Variants in EFCAB6 observed in about 807,000 individuals in gnomAD.
EFCAB6 encodes the protein EF-hand calcium binding domain 6, also known as EF-hand calcium-binding domain-containing protein 6.
In EFCAB6, 156 loss-of-function variants were observed where a neutral mutation model predicts 169.8. That is an observed-to-expected ratio of 0.92 (90% CI 0.81 to 1.05). The LOEUF (loss-of-function observed/expected upper bound fraction) is 1.05, where lower values mean the gene tolerates loss of function less well. Among genes scored for constraint, EFCAB6 ranks in the 50% least tolerant of loss-of-function variants. EFCAB6 has a pLI of 0.00. For missense variants in EFCAB6, 1,800 were observed against 1,829.1 expected (o/e 0.98, Z 0.29); for synonymous variants, 698 against 676.4 (o/e 1.03, Z -0.50).
At chr22:43,685,199 G>A (rs1419878496) in intron 11 of EFCAB6, among the ~76,000 whole-genome samples, 1 of 152,180 alleles carries the variant, frequency 6.6e-6, no homozygotes, top group Non-Finnish European at 1.5e-5. Flanking sequence ...GTACCAAGTT[G>A]CCGAGAGCAG....
At chr22:43,771,573 A>G (rs760400388) in intron 4 of EFCAB6, among the ~76,000 whole-genome samples, 18 of 152,118 alleles carry the variant, frequency 1.2e-4, no homozygotes, top group Non-Finnish European at 2.5e-4. Context: ...TTCTAGCCCA[A>G]ATTTTCTACT....
At chr22:43,630,616 G>A (rs2054871189) in intron 19 of EFCAB6, among the ~76,000 whole-genome samples, 1 of 152,240 alleles carries the variant, frequency 6.6e-6, no homozygotes, top group Non-Finnish European at 1.5e-5. Context: ...GGCCTCTACA[G>A]TTAGGGTGCC....
intron 27 of EFCAB6, among the ~76,000 whole-genome samples, chr22:43,548,383 T>C (rs570840371): frequency 2.4e-4 from 35 of 148,258 alleles, no homozygotes; most frequent in African/African-American, 7.2e-4. Context: ...TCTACTAAAA[T>C]ACAAAAATTA....
At chr22:43,720,294 G>T (rs557344011) in intron 8 of EFCAB6, among the ~76,000 whole-genome samples, 1 of 151,848 alleles carries the variant, frequency 6.6e-6, no homozygotes, top group African/African-American at 2.4e-5. Flanking sequence ...GAGGCAGGAA[G>T]CCAGGAGTTC....
At chr22:43,752,341 C>T (rs1443872453) in intron 6 of EFCAB6, among the ~76,000 whole-genome samples, 1 of 152,174 alleles carries the variant, frequency 6.6e-6, no homozygotes, top group African/African-American at 2.4e-5. Context: ...TGGTCTTAAA[C>T]TCCTGACCTC....
chr22:43,616,884 G>A lies in EFCAB6; in HGVS notation c.2466-962C>T, dbSNP rs139921446. Among the ~76,000 whole-genome samples, 594 of 152,252 alleles carry A rather than the reference G, an allele frequency of 3.9e-3. 7 individuals are homozygous for A. Among genetic ancestry groups the A allele is most frequent in the African/African-American group, 0.014 (571 of 41,530 alleles). ...ATGTGCACACCCACATTGGCACCTG[G>A]CCAGTGTAAACTGCAGTCACTGTGA... On this transcript the variant is annotated intron_variant, in intron 20 of 31. Coordinates refer to ENST00000262726, the MANE Select transcript of EFCAB6 (RefSeq NM_022785.4).
At chr22:43,680,873 G>A (rs1490185825) in intron 12 of EFCAB6, among the ~76,000 whole-genome samples, 1 of 152,168 alleles carries the variant, frequency 6.6e-6, no homozygotes, top group Admixed American at 6.5e-5. Flanking sequence ...AAATTCCTTA[G>A]AATTTTCTAC....
chr22:43,625,358 T>C (rs1345579200), intron 20 of EFCAB6, among the ~76,000 whole-genome samples: 1 of 152,184 alleles, frequency 6.6e-6, no homozygotes, highest in East Asian at 1.9e-4. Flanking sequence ...AAGACACACC[T>C]CAGTACTAGC....
chr22:43,614,932 C>T (rs1489990166), intron 21 of EFCAB6, among the ~76,000 whole-genome samples: 1 of 151,712 alleles, frequency 6.6e-6, no homozygotes, highest in Non-Finnish European at 1.5e-5. Flanking sequence ...TCTATGGAGT[C>T]CACAGCACAG....
At chr22:43,670,346 A>G (rs2057433792) in intron 15 of EFCAB6, among the ~76,000 whole-genome samples, 1 of 152,242 alleles carries the variant, frequency 6.6e-6, no homozygotes, top group Non-Finnish European at 1.5e-5. Context: ...TCCCGAGACC[A>G]AAAGTGCTGA....
chr22:43,536,616 G>T lies in EFCAB6; in HGVS notation c.4048+761C>A, dbSNP rs140712193. Reference sequence around the variant, plus strand: ...GCACTCTGGGAGGCTGAGGTGGGCAGATCTCTTGAGATCAGGAGTTTGAGA... The same window carrying T: ...GCACTCTGGGAGGCTGAGGTGGGCATATCTCTTGAGATCAGGAGTTTGAGA... On this transcript the variant is annotated intron_variant, in intron 29 of 31. Transcript: ENST00000262726. The T allele has an allele frequency of 4.5e-4, 69 of 152,320 alleles. 1 individual carries two copies. The highest frequency in any genetic ancestry group is 1.6e-3 in the African/African-American group (68 of 41,552). 9.4% of individuals were successfully genotyped at this position (152,320 alleles called of 1,614,324 possible).
intron 24 of EFCAB6, among the ~76,000 whole-genome samples, chr22:43,588,568 AT>A (rs2051236280): frequency 6.6e-6 from 1 of 152,216 alleles, no homozygotes; most frequent in South Asian, 2.1e-4. Context: ...GATTTAAAAT[AT>A]GTGAGAGAAC....
chr22:43,782,606 A>G (rs763618502), intron 2 of EFCAB6, among the ~76,000 whole-genome samples: 5 of 152,158 alleles, frequency 3.3e-5, no homozygotes, highest in Admixed American at 1.3e-4. Flanking sequence ...TCAGTGACTC[A>G]TTTCTTTGGT....
At chr22:43,776,904 T>C (rs1354746163) in intron 3 of EFCAB6, among the ~76,000 whole-genome samples, 1 of 152,188 alleles carries the variant, frequency 6.6e-6, no homozygotes, top group Non-Finnish European at 1.5e-5. Flanking sequence ...AAATGTGTTC[T>C]GGCTGCTATG....
At position 43,608,570 on chromosome 22, in the gene EFCAB6, C is replaced by T; in HGVS notation, c.2593G>A (p.Gly865Ser). The change falls in exon 22 of 32, where the codon GGC becomes AGC. Residue 865 changes from glycine to serine, a missense_variant. Transcript: ENST00000262726. ...TTTATGTCCCGGCGTCGAAGAATGC[C>T]ATTGCCCTCATTATCGGTTTCTAGA... is the stretch of plus-strand genomic sequence containing the variant. The part of the protein sequence containing the change: ...NFLETDNEGN[G>S]ILRRRDIKNA... 6.2e-7 allele frequency: 1 copy of T among 1,614,162 alleles called. No individual in the cohort carries two copies. The highest frequency in any genetic ancestry group is 1.3e-5 in the African/African-American group (1 of 75,036).
At chr22:43,695,798 T>C (rs980876861) in intron 10 of EFCAB6, among the ~76,000 whole-genome samples, 17 of 152,046 alleles carry the variant, frequency 1.1e-4, no homozygotes, top group African/African-American at 4.1e-4. Context: ...ACCTTGACCC[T>C]TATCTCACAC....
At chr22:43,707,126 G>A (rs1017698438) in intron 10 of EFCAB6, among the ~76,000 whole-genome samples, 1 of 152,114 alleles carries the variant, frequency 6.6e-6, no homozygotes. Context: ...AAAGGGAATG[G>A]GGTTTTAATG....
intron 10 of EFCAB6, among the ~76,000 whole-genome samples, chr22:43,687,885 C>T (rs2058263035): frequency 6.6e-6 from 1 of 152,154 alleles, no homozygotes; most frequent in Non-Finnish European, 1.5e-5. Context: ...TCAAATTCAT[C>T]ATGTGAAGAG....
At chr22:43,692,343 A>G (rs1418410091) in intron 10 of EFCAB6, among the ~76,000 whole-genome samples, 1 of 152,236 alleles carries the variant, frequency 6.6e-6, no homozygotes. Flanking sequence ...AGAATATATT[A>G]CAAAAATATA....
Sources: gnomAD v4.1 joint callset for allele counts (sites outside exome capture counted in the v4.1 genomes callset) on GRCh38, gnomAD v4.1.1 for gene constraint, MANE v1.5 for transcripts, NCBI Gene and HGNC (gene_info 2026-07-23, HGNC 2026-07-21) for gene names.